NCOA7: variants seen among roughly 807,000 people sequenced by gnomAD.
NCOA7 encodes the protein 140 kDa estrogen receptor-associated protein.
Under a neutral mutation model 104.3 loss-of-function variants are expected in NCOA7, and 45 were observed. That is an observed-to-expected ratio of 0.43 (90% CI 0.34 to 0.55). NCOA7 has a LOEUF of 0.55. NCOA7 is among the 20% of genes least tolerant of loss of function. NCOA7 has a pLI of 0.02. For synonymous variants in NCOA7, 398 were observed against 402.3 expected, an observed-to-expected ratio of 0.99 and a Z score of 0.13; for missense variants, 1,041 against 1,119.7, an observed-to-expected ratio of 0.93 and a Z score of 1.00.
chr6:125,912,467 GAC>G (rs1786660672), intron 10 of NCOA7, among the ~76,000 whole-genome samples: 1 of 152,180 alleles, frequency 6.6e-6, no homozygotes, highest in Admixed American at 6.5e-5. Context: ...TTGAGAAAAA[GAC>G]AGTGAGAGAT....
chr6:125,878,818 C>T (rs1783591564), intron 5 of NCOA7, among the ~76,000 whole-genome samples: 1 of 152,108 alleles, frequency 6.6e-6, no homozygotes. Flanking sequence ...GGGAGCAAAC[C>T]CAAAATTATT....
intron 13 of NCOA7, among the ~76,000 whole-genome samples, chr6:125,924,882 C>A (rs1787897059): frequency 6.6e-6 from 1 of 152,086 alleles, no homozygotes; most frequent in African/African-American, 2.4e-5. Flanking sequence ...CACTGTGGGT[C>A]CCCTGTATTT....
At chr6:125,874,131 C>T (rs192949337) in intron 3 of NCOA7, among the ~76,000 whole-genome samples, 1 of 152,256 alleles carries the variant, frequency 6.6e-6, no homozygotes, top group African/African-American at 2.4e-5. Flanking sequence ...TTGAGACAAG[C>T]CTGGCCAACA....
intron 1 of NCOA7, among the ~76,000 whole-genome samples, chr6:125,807,135 A>G (rs1384725696): frequency 6.6e-6 from 1 of 152,188 alleles, no homozygotes; most frequent in African/African-American, 2.4e-5. Context: ...TCTAATGTCT[A>G]ATTCTAGGTA....
chr6:125,781,566 T>A (rs190997050), intron 1 of NCOA7, among the ~76,000 whole-genome samples: 45 of 152,362 alleles, frequency 3.0e-4, no homozygotes, highest in African/African-American at 1.1e-3. Context: ...GGACCCTTTT[T>A]TCCTATCCCA....
rs555537403 is a variant in NCOA7 at position 125,844,919 on chromosome 6, G to A, written c.51-10101G>A. ...AGCTCTTCCTGGAAACCAGGCACAG[G>A]TTGTGTTTAATAGTAAAGTAAGCTT... is the stretch of plus-strand genomic sequence containing the variant. On this transcript the variant is annotated intron_variant, in intron 2 of 15. Coordinates refer to ENST00000392477, the MANE Select transcript of NCOA7 (RefSeq NM_181782.5). Among the ~76,000 whole-genome samples the A allele has an allele frequency of 5.2e-4, 79 of 152,236 alleles. 1 individual carries two copies. Among genetic ancestry groups the A allele is most frequent in the Non-Finnish European group, 5.1e-4 (35 of 68,026 alleles).
rs1053309159 is a variant in NCOA7, at chr6:125,867,918, G to T, written c.272-6971G>T. 2.6e-5 allele frequency among the ~76,000 whole-genome samples: 4 copies of T among 152,200 alleles called. No homozygotes were observed. In the East Asian group the frequency reaches 7.7e-4, roughly 29 times the overall value. Reference sequence around the variant, plus strand: ...GAAAGCTGGGGGTGGGGCCTCACCAGTGCGGTGTTTCGGTAATAAGCCCGC... The same window carrying T: ...GAAAGCTGGGGGTGGGGCCTCACCATTGCGGTGTTTCGGTAATAAGCCCGC... On this transcript the variant is annotated intron_variant, in intron 3 of 15. Coordinates refer to ENST00000392477, the MANE Select transcript of NCOA7 (RefSeq NM_181782.5).
intron 10 of NCOA7, among the ~76,000 whole-genome samples, chr6:125,911,691 A>G (rs1786568312): frequency 6.6e-6 from 1 of 151,882 alleles, no homozygotes; most frequent in Non-Finnish European, 1.5e-5. Context: ...TATTCAGGGT[A>G]GAGAGGAGCT....
At chr6:125,788,629 G>A (rs1323397163), upstream of NCOA7, among the ~76,000 whole-genome samples, 1 of 150,436 alleles carries the variant, frequency 6.6e-6, no homozygotes, top group African/African-American at 2.5e-5. Context: ...TCTGCATCCC[G>A]GTTTCTAGTG....
At chr6:125,817,313 G>A (rs957381403) in intron 2 of NCOA7, among the ~76,000 whole-genome samples, 1 of 152,194 alleles carries the variant, frequency 6.6e-6, no homozygotes, top group Non-Finnish European at 1.5e-5. Context: ...CAAAAGATAA[G>A]TGTATTTTTA....
At chr6:125,850,261 T>G (rs1781004650) in intron 2 of NCOA7, among the ~76,000 whole-genome samples, 3 of 152,244 alleles carry the variant, frequency 2.0e-5, no homozygotes, top group Non-Finnish European at 4.4e-5. Flanking sequence ...AAGATCAGAA[T>G]ATTCTAGTTA....
chr6:125,839,010 G>A (rs1162452989), intron 2 of NCOA7, among the ~76,000 whole-genome samples: 1 of 152,044 alleles, frequency 6.6e-6, no homozygotes, highest in African/African-American at 2.4e-5. Flanking sequence ...CGCATAGTGT[G>A]TTCATCACCC....
rs1277856190 is a variant in NCOA7 at position 125,849,875 on chromosome 6, A to AT, written c.51-5142dup. Among the ~76,000 whole-genome samples the AT allele has an allele frequency of 4.6e-5, 7 of 152,214 alleles. No homozygotes were observed. The East Asian group carries it at 1.3e-3, about 29-fold the overall frequency. On this transcript the variant is annotated intron_variant, in intron 2 of 15. Coordinates refer to ENST00000392477, the MANE Select transcript of NCOA7 (RefSeq NM_181782.5). ...CTTCATTATTTTTCAGTCACTCATC[A>AT]TTTAAGATGATTTGCCAAGTGTATT...
chr6:125,853,398 C>A (rs1299115166), intron 2 of NCOA7, among the ~76,000 whole-genome samples: 2 of 152,134 alleles, frequency 1.3e-5, no homozygotes, highest in East Asian at 3.8e-4. Flanking sequence ...CTCTTAATTT[C>A]TTTCCCTTTC....
intron 10 of NCOA7, among the ~76,000 whole-genome samples, chr6:125,902,219 C>T (rs1363618079): frequency 2.6e-5 from 4 of 152,140 alleles, no homozygotes; most frequent in Non-Finnish European, 5.9e-5. Flanking sequence ...TTCTCTGCCT[C>T]CTGTCTATAT....
rs1326750037 is a variant in NCOA7 at position 125,929,936 on chromosome 6, T to A, written c.*1165T>A. 6.6e-6 allele frequency: 1 copy of A among 152,250 alleles called. No homozygotes were observed. Among genetic ancestry groups the A allele is most frequent in the Non-Finnish European group, 1.5e-5 (1 of 68,050 alleles). The allele number at this position is 152,250 out of a possible 1,614,324, so 9.4% of individuals were successfully genotyped here. The stretch of plus-strand genomic sequence containing the variant: ...AAAACGTCAAATTGGACCAATTGTC[T>A]TGGTTTCTTGATTCATTTATTTGAG... On this transcript the variant is annotated 3_prime_UTR_variant, in exon 16 of 16. Transcript: ENST00000392477.
At position 125,860,987 on chromosome 6, in the gene NCOA7, T is replaced by A. The variant is rs557939994; in HGVS notation, c.271+5747T>A. 2.0e-5 allele frequency among the ~76,000 whole-genome samples: 3 copies of A among 152,338 alleles called. No homozygotes were observed. The East Asian group carries it at 5.8e-4, about 29-fold the overall frequency. ...GGTCTTATAACAAACATAAAAGACT[T>A]AAATAAGAGAGCATAGCTCATTTTG... On this transcript the variant is annotated intron_variant, in intron 3 of 15. Coordinates refer to ENST00000392477, the MANE Select transcript of NCOA7 (RefSeq NM_181782.5).
chr6:125,808,109 C>T (rs753998005), intron 1 of NCOA7, among the ~76,000 whole-genome samples: 15 of 152,194 alleles, frequency 9.9e-5, no homozygotes, highest in Non-Finnish European at 2.1e-4. Flanking sequence ...AATGTCCTCT[C>T]GTCTACCAGC....
chr6:125,889,720 A>G lies in NCOA7; in HGVS notation c.1666A>G (p.Ile556Val). The G allele has an allele frequency of 6.2e-7, 1 of 1,613,992 alleles. No homozygotes were observed. Among genetic ancestry groups the G allele is most frequent in the Non-Finnish European group, 8.5e-7 (1 of 1,179,956 alleles). ...TGGAAAAAGTATTGAACCAGGGGGAATAGACATTACCCTTAGTAGTTCTCT... is the reference window on the plus strand; with the variant it reads ...TGGAAAAAGTATTGAACCAGGGGGAGTAGACATTACCCTTAGTAGTTCTCT... The part of the protein sequence containing the change: ...SDGKSIEPGG[I>V]DITLSSSLSQ... Residue 556 changes from isoleucine (I) to valine (V), a missense_variant, in exon 9 of 16, where the codon ATA becomes GTA. Transcript: ENST00000392477.
Sources: allele counts gnomAD v4.1 joint callset (sites outside exome capture counted in the v4.1 genomes callset), GRCh38; gene constraint gnomAD v4.1.1; transcripts MANE v1.5; gene names NCBI Gene and HGNC (gene_info 2026-07-23, HGNC 2026-07-21).